Variants in MSH3 observed in about 807,000 individuals in gnomAD.
MSH3 encodes DNA mismatch repair protein Msh3.
In MSH3, 106 loss-of-function variants were observed where a neutral mutation model predicts 123.3. That is an observed-to-expected ratio of 0.86 (90% CI 0.73 to 1.01). The LOEUF (loss-of-function observed/expected upper bound fraction) is 1.01, where lower values mean the gene tolerates loss of function less well. Among genes scored for constraint, MSH3 ranks in the 50% least tolerant of loss-of-function variants. MSH3 has a pLI of 0.00. For missense variants in MSH3, 1,459 were observed against 1,347.6 expected (o/e 1.08, Z -1.29); for synonymous variants, 515 against 481.4 (o/e 1.07, Z -0.91).
At chr5:80,806,146 T>C (rs568411893) in intron 19 of MSH3, among the ~76,000 whole-genome samples, 1 of 152,340 alleles carries the variant, frequency 6.6e-6, no homozygotes. Context: ...TTGCCCAGGC[T>C]GGAGTGCAAT....
At chr5:80,655,269 C>G (rs1749244017) in intron 1 of MSH3, 1 of 285,830 alleles carries the variant, frequency 3.5e-6, no homozygotes, top group Non-Finnish European at 6.5e-6. Flanking sequence ...AGGGGTGCGT[C>G]TTTTAACCTC....
rs1580035633 is a variant in MSH3 at position 80,769,439 on chromosome 5, AAAAC to A, written c.2253+439_2253+442del. On this transcript the variant is annotated intron_variant, in intron 15 of 23. Transcript: ENST00000265081. ...AAAGTTAAGAGTATAGCTGCTAAAA[AAAAC>A]AAGTCTAGAGTGAAAAACTACAGTT... is the stretch of plus-strand genomic sequence containing the variant. 1.3e-5 allele frequency among the ~76,000 whole-genome samples: 2 copies of A among 152,070 alleles called. 1 individual carries two copies. The highest frequency in any genetic ancestry group is 4.8e-5 in the African/African-American group (2 of 41,458).
intron 21 of MSH3, among the ~76,000 whole-genome samples, chr5:80,861,668 C>G (rs1438106289): frequency 6.6e-6 from 1 of 152,110 alleles, no homozygotes; most frequent in Non-Finnish European, 1.5e-5. Flanking sequence ...AAAGTGTGCC[C>G]CCTTCCCCCA....
rs561511129 is a variant in MSH3, at chr5:80,695,000, A to C, written c.1340+15907A>C. The stretch of plus-strand genomic sequence containing the variant: ...GGGTTCACTCAGCTTCTTGAATCTG[A>C]AAGTTGATGTCTCTTGCCAAATTTG... On this transcript the variant is annotated intron_variant, in intron 8 of 23. Transcript: ENST00000265081. Among the ~76,000 whole-genome samples, 3 of 150,562 alleles carry C rather than the reference A, an allele frequency of 2.0e-5. No homozygotes were observed. In the South Asian group the frequency reaches 6.3e-4, roughly 32 times the overall value.
At chr5:80,742,478 C>T (rs770938293) in intron 11 of MSH3, among the ~76,000 whole-genome samples, 110 of 152,192 alleles carry the variant, frequency 7.2e-4, no homozygotes, top group Non-Finnish European at 1.1e-3. Context: ...AAAAGCAACC[C>T]CACGTCATTT....
intron 20 of MSH3, among the ~76,000 whole-genome samples, chr5:80,840,125 A>G (rs1745588974): frequency 6.6e-6 from 1 of 152,174 alleles, no homozygotes. Flanking sequence ...AAGGTCTCTG[A>G]CATTTATTAT....
At chr5:80,818,842 T>G (rs1473875079) in intron 20 of MSH3, among the ~76,000 whole-genome samples, 3 of 152,242 alleles carry the variant, frequency 2.0e-5, no homozygotes, top group Admixed American at 2.0e-4. Context: ...TGGAGTTGCA[T>G]TATGCATTTT....
intron 3 of MSH3, among the ~76,000 whole-genome samples, chr5:80,668,899 G>A (rs949197012): frequency 1.3e-5 from 2 of 152,198 alleles, no homozygotes; most frequent in South Asian, 2.1e-4. Flanking sequence ...AGAAGGGGGC[G>A]AGGCTTCTTC....
intron 22 of MSH3, among the ~76,000 whole-genome samples, chr5:80,872,071 C>T (rs973164865): frequency 1.3e-5 from 2 of 152,032 alleles, no homozygotes; most frequent in Non-Finnish European, 2.9e-5. Flanking sequence ...GAACAGAATC[C>T]GGTATGTATA....
In MSH3 at chr5:80,867,997, G is replaced by A. The variant is rs765534403; in HGVS notation, c.3130+3055G>A. ...CCTCTTAGTCATGAAATCTTTGCCCGTTCCTATGTACAGAATGATAAAAGC... is the reference window on the plus strand; with the variant it reads ...CCTCTTAGTCATGAAATCTTTGCCCATTCCTATGTACAGAATGATAAAAGC... On this transcript the variant is annotated intron_variant, in intron 22 of 23. Coordinates refer to ENST00000265081, the MANE Select transcript of MSH3 (RefSeq NM_002439.5). Among the ~76,000 whole-genome samples the A allele has an allele frequency of 1.4e-4, 21 of 152,004 alleles. 1 individual carries two copies. Among genetic ancestry groups the A allele is most frequent in the Non-Finnish European group, 2.4e-4 (16 of 67,992 alleles).
At chr5:80,842,273 T>TGATCGTGG (rs1745640787) in intron 20 of MSH3, among the ~76,000 whole-genome samples, 3 of 151,990 alleles carry the variant, frequency 2.0e-5, no homozygotes, top group African/African-American at 7.3e-5. Context: ...TATATCTGTT[T>TGATCGTGG]TGGTACCAGT....
At chr5:80,719,310 T>G (rs2112850793) in intron 8 of MSH3, among the ~76,000 whole-genome samples, 1 of 152,262 alleles carries the variant, frequency 6.6e-6, no homozygotes, top group Admixed American at 6.5e-5. Flanking sequence ...CCTCCCAAAG[T>G]GCTGGGATTA....
In MSH3 at chr5:80,656,406, T is replaced by C. The variant is rs1290501462; in HGVS notation, c.238-5T>C. On this transcript the variant is annotated splice_polypyrimidine_tract_variant and splice_region_variant and intron_variant, in intron 1 of 23. Coordinates refer to ENST00000265081, the MANE Select transcript of MSH3 (RefSeq NM_002439.5). ...ACACATCATTTTCTAACCTTCCCGA[T>C]ATAGGCTACAGAAATTGACAGAAGA... 1.9e-6 allele frequency: 3 copies of C among 1,614,034 alleles called. No homozygotes were observed. The highest frequency in any genetic ancestry group is 2.2e-5 in the East Asian group (1 of 44,866).
chr5:80,766,339 C>CTTTTTTTTTTTTTTTT lies in MSH3; in HGVS notation c.1897-1585_1897-1570dup, dbSNP rs1166492002. Among the ~76,000 whole-genome samples the CTTTTTTTTTTTTTTTT allele has an allele frequency of 1.2e-4, 9 of 78,216 alleles. 1 individual carries two copies. Among genetic ancestry groups the CTTTTTTTTTTTTTTTT allele is most frequent in the East Asian group, 4.4e-4 (1 of 2,284 alleles). The allele number at this position is 78,216 out of a possible 152,430, so 51.3% of individuals were successfully genotyped here. On this transcript the variant is annotated intron_variant, in intron 13 of 23. Coordinates refer to ENST00000265081, the MANE Select transcript of MSH3 (RefSeq NM_002439.5). ...TCTTCTTTTCTAGTGTGTTTTTTTC[C>CTTTTTTTTTTTTTTTT]TTTTTTTTTTTTTTTTTTTTTTTTG...
At chr5:80,790,855 C>A (rs1175004631) in intron 18 of MSH3, among the ~76,000 whole-genome samples, 3 of 152,138 alleles carry the variant, frequency 2.0e-5, no homozygotes, top group African/African-American at 7.2e-5. Context: ...GAGAAAAAAA[C>A]CAGTGCCCTG....
intron 19 of MSH3, among the ~76,000 whole-genome samples, chr5:80,807,575 C>T (rs981864484): frequency 4.6e-5 from 7 of 152,140 alleles, no homozygotes; most frequent in African/African-American, 1.2e-4. Flanking sequence ...GTAATACGTG[C>T]GGCAGATTTG....
At position 80,865,252 on chromosome 5, in the gene MSH3, C is replaced by T. The variant is rs1304104341; in HGVS notation, c.3130+310C>T. 5.1e-4 allele frequency among the ~76,000 whole-genome samples: 78 copies of T among 152,124 alleles called. 2 individuals are homozygous for T. Among genetic ancestry groups the T allele is most frequent in the Admixed American group, 5.1e-3 (78 of 15,270 alleles). On this transcript the variant is annotated intron_variant, in intron 22 of 23. Coordinates refer to ENST00000265081, the MANE Select transcript of MSH3 (RefSeq NM_002439.5). Reference sequence around the variant, plus strand: ...TTCCTCTTAGTGCCTTGTACTCTTACATGATTCATCTCAGTACAGATGACA... The same window carrying T: ...TTCCTCTTAGTGCCTTGTACTCTTATATGATTCATCTCAGTACAGATGACA...
chr5:80,730,645 C>G (rs1743393368), intron 10 of MSH3, among the ~76,000 whole-genome samples: 1 of 151,702 alleles, frequency 6.6e-6, no homozygotes, highest in Admixed American at 6.6e-5. Context: ...TGTGTTGGGG[C>G]TTTGTAAAAA....
rs952915513 is a variant in MSH3, at chr5:80,843,802, G to C, written c.2814-10328G>C. ...TATCTGATTCTTCTCTCTTTTGTTC[G>C]TTATTAGTCTTGCTAGCAGTCTATC... is the stretch of plus-strand genomic sequence containing the variant. On this transcript the variant is annotated intron_variant, in intron 20 of 23. Transcript: ENST00000265081. 5.9e-5 allele frequency among the ~76,000 whole-genome samples: 9 copies of C among 151,614 alleles called. No homozygotes were observed. The East Asian group carries it at 1.7e-3, about 29-fold the overall frequency.
Sources: allele counts gnomAD v4.1 joint callset (sites outside exome capture counted in the v4.1 genomes callset), GRCh38; gene constraint gnomAD v4.1.1; transcripts MANE v1.5; gene names NCBI Gene and HGNC (gene_info 2026-07-23, HGNC 2026-07-21).